Variants in TNRC6A observed in about 807,000 individuals in gnomAD.
TNRC6A encodes trinucleotide repeat containing adaptor 6A.
A neutral mutation model predicts 221.2 loss-of-function variants in TNRC6A; 44 were observed. The observed-to-expected ratio is 0.20, with a 90% CI of 0.16 to 0.26. The LOEUF (loss-of-function observed/expected upper bound fraction) is 0.26. TNRC6A is among the 10% of genes least tolerant of loss of function. TNRC6A has a pLI of 1.00. For synonymous variants in TNRC6A, 847 were observed against 838.5 expected (o/e 1.01, Z -0.18); for missense variants, 2,199 against 2,404.4 (o/e 0.91, Z 1.79).
At chr16:24,773,081 T>G (rs2057646668) in intron 4 of TNRC6A, among the ~76,000 whole-genome samples, 1 of 152,244 alleles carries the variant, frequency 6.6e-6, no homozygotes, top group South Asian at 2.1e-4. Context: ...TATATAGATT[T>G]ACTTTAAAAG....
At chr16:24,779,563 C>T (rs564783702) in intron 5 of TNRC6A, among the ~76,000 whole-genome samples, 3 of 152,260 alleles carry the variant, frequency 2.0e-5, no homozygotes, top group East Asian at 3.9e-4. Flanking sequence ...ATATTAATAA[C>T]GATACAGTGG....
At chr16:24,760,226 G>A (rs920844227) in intron 4 of TNRC6A, among the ~76,000 whole-genome samples, 1 of 152,086 alleles carries the variant, frequency 6.6e-6, no homozygotes, top group Non-Finnish European at 1.5e-5. Flanking sequence ...CCTTGAATGG[G>A]TCTCTCCAAG....
upstream of TNRC6A, among the ~76,000 whole-genome samples, chr16:24,725,878 T>C (rs187138377): frequency 2.9e-3 from 444 of 151,714 alleles, no homozygotes; most frequent in African/African-American, 0.01. Flanking sequence ...CACACGTCTG[T>C]AATCCTAGCT....
chr16:24,704,604 A>G (rs1220405644), intron 2 of TNRC6A, among the ~76,000 whole-genome samples: 2 of 144,920 alleles, frequency 1.4e-5, no homozygotes, highest in African/African-American at 5.0e-5. Flanking sequence ...GGTGGAGGTT[A>G]CAGTGAGCCA....
chr16:24,792,716 T>C (rs1006110254), intron 6 of TNRC6A, among the ~76,000 whole-genome samples: 4 of 147,830 alleles, frequency 2.7e-5, no homozygotes, highest in African/African-American at 5.0e-5. Flanking sequence ...AGGTGACCCA[T>C]TATTGTTAGC....
At chr16:24,730,084 G>T (rs1407281424) in intron 1 of TNRC6A, among the ~76,000 whole-genome samples, 169 bp from the exon 2 acceptor site, 1 of 150,040 alleles carries the variant, frequency 6.7e-6, no homozygotes, top group East Asian at 2.0e-4. Context: ...CCGCGGGACC[G>T]CAGTCCGGGC....
rs377186321 is a variant in TNRC6A, at chr16:24,816,808, G to A, written c.4832-8G>A. On this transcript the variant is annotated splice_polypyrimidine_tract_variant and splice_region_variant and intron_variant, in intron 19 of 24. Coordinates refer to ENST00000395799, the MANE Select transcript of TNRC6A (RefSeq NM_014494.4). ...AGCTTTGAACTAATTTTAAATTTCC[G>A]TTTCCAGAATTTCGTCCTGGTGAGC... 8.4e-5 allele frequency: 135 copies of A among 1,599,420 alleles called. No individual in the cohort carries two copies. Among genetic ancestry groups the A allele is most frequent in the Non-Finnish European group, 9.9e-5 (116 of 1,175,090 alleles).
chr16:24,790,216 A>G lies in TNRC6A; in HGVS notation c.1574A>G (p.Tyr525Cys), dbSNP rs368949982. The G allele has an allele frequency of 1.9e-6, 3 of 1,614,068 alleles. No homozygotes were observed. Among genetic ancestry groups the G allele is most frequent in the African/African-American group, 1.3e-5 (1 of 74,914 alleles). Residue 525 changes from tyrosine to cysteine, a missense_variant, in exon 6 of 25, where the codon TAT (tyrosine) becomes TGT (cysteine). This residue lies in a region of TNRC6A where 1,405 missense variants were observed against 1,400.2 expected (regional missense o/e 1.00). Transcript: ENST00000395799. ...GGSYGTTWGA[Y>C]GSNYSGDKCS... ...TCTTATGGTACTACATGGGGTGCCT[A>G]TGGTTCTAATTACTCTGGAGACAAA... is the stretch of plus-strand genomic sequence containing the variant.
intron 2 of TNRC6A, among the ~76,000 whole-genome samples, chr16:24,696,640 G>T (rs11866027): frequency 2.3e-4 from 33 of 146,458 alleles, no homozygotes; most frequent in African/African-American, 8.3e-4. Flanking sequence ...GAGGTGGGAG[G>T]ATTGCTTGAG....
At chr16:24,778,376 G>C (rs2057770645) in intron 5 of TNRC6A, 1 of 984,432 alleles carries the variant, frequency 1.0e-6, no homozygotes, top group Non-Finnish European at 1.2e-6. Context: ...CTCACATCAA[G>C]ATCTGTCTGA....
chr16:24,776,218 TTTCCAC>T, intron 4 of TNRC6A: 1 of 967,368 alleles, frequency 1.0e-6, no homozygotes, highest in Non-Finnish European at 1.2e-6. Context: ...TATTTCTTTC[TTTCCAC>T]TCTTTTATGA....
chr16:24,789,221 CT>C lies in TNRC6A; in HGVS notation c.590-8del, dbSNP rs766920334. On this transcript the variant is annotated splice_polypyrimidine_tract_variant and intron_variant, in intron 5 of 24. Coordinates refer to ENST00000395799, the MANE Select transcript of TNRC6A (RefSeq NM_014494.4). Reference sequence around the variant, plus strand: ...CACTTTATAAATAGTTGTACTTCTCCTTTATCCTAGATATAAACCACAGTAC... The same window carrying C: ...CACTTTATAAATAGTTGTACTTCTCCTTATCCTAGATATAAACCACAGTAC... 6.4e-7 allele frequency: 1 copy of C among 1,558,280 alleles called. No homozygotes were observed. Among genetic ancestry groups the C allele is most frequent in the Non-Finnish European group, 8.7e-7 (1 of 1,154,914 alleles).
intron 20 of TNRC6A, 149 bp from the exon 21 acceptor site, chr16:24,818,444 G>T: frequency 3.1e-6 from 2 of 655,382 alleles, no homozygotes. Flanking sequence ...AGGCAAGAAG[G>T]AAGATGTCTC....
chr16:24,811,177 C>T (rs1041013235), intron 18 of TNRC6A, among the ~76,000 whole-genome samples: 1 of 152,168 alleles, frequency 6.6e-6, no homozygotes, highest in East Asian at 1.9e-4. Flanking sequence ...TCCTGGCACA[C>T]TTTGGAATGT....
chr16:24,807,053 T>G (rs901310678), intron 17 of TNRC6A, among the ~76,000 whole-genome samples: 2 of 151,210 alleles, frequency 1.3e-5, no homozygotes, highest in Non-Finnish European at 2.9e-5. Context: ...TCACCCAGGG[T>G]GGAGTGCAGT....
upstream of TNRC6A, among the ~76,000 whole-genome samples, chr16:24,726,351 G>C (rs2056490990): frequency 1.3e-5 from 1 of 74,136 alleles, no homozygotes. Context: ...GAAGATGTTA[G>C]CAAAAGATAC....
chr16:24,823,337 T>G lies in TNRC6A; in HGVS notation c.5514-95T>G. ...TCTCTCCCTCTGTGCCTTCTGTGGC[T>G]TTTCTAGCAGAGACAAGTTGCACCC... On this transcript the variant is annotated intron_variant, in intron 24 of 24. Transcript: ENST00000395799. The surrounding 1 kb of genome is among the most constrained non-coding windows in gnomAD (Gnocchi z 4.3). The G allele has an allele frequency of 6.8e-7, 1 of 1,470,294 alleles. No homozygotes were observed. The highest frequency in any genetic ancestry group is 9.1e-7 in the Non-Finnish European group (1 of 1,094,846). The allele number at this position is 1,470,294 out of a possible 1,614,324, so 91.1% of individuals were successfully genotyped here.
intron 1 of TNRC6A, among the ~76,000 whole-genome samples, chr16:24,632,240 T>C (rs1391051539): frequency 1.3e-5 from 2 of 152,164 alleles, no homozygotes. Flanking sequence ...TACCTGCTGA[T>C]CATCCCCCTG....
At chr16:24,681,817 A>T (rs1056396100) in intron 2 of TNRC6A, among the ~76,000 whole-genome samples, 3 of 152,236 alleles carry the variant, frequency 2.0e-5, no homozygotes, top group Non-Finnish European at 4.4e-5. Flanking sequence ...GTACCCCAGT[A>T]CATTACTATT....
Sources: gnomAD v4.1 joint callset for allele counts (sites outside exome capture counted in the v4.1 genomes callset) on GRCh38, gnomAD v4.1.1 for gene constraint, gnomAD v4.1.1 regional missense constraint, Gnocchi (gnomAD v3.1) non-coding constraint, MANE v1.5 for transcripts, NCBI Gene and HGNC (gene_info 2026-07-23, HGNC 2026-07-21) for gene names.